The following RAB2A variants were observed in gnomAD, a reference collection of about 807,000 sequenced individuals.
The protein encoded by RAB2A is ras-related protein Rab-2A.
A neutral mutation model predicts 32.5 loss-of-function variants in RAB2A; 7 were observed. That is an observed-to-expected ratio of 0.22 (90% CI 0.12 to 0.40). The LOEUF (loss-of-function observed/expected upper bound fraction) is 0.40, where lower values mean the gene tolerates loss of function less well. Among genes scored for constraint, RAB2A ranks in the 10% least tolerant of loss-of-function variants. RAB2A has a pLI of 1.00. For missense variants in RAB2A, 108 were observed against 260.7 expected (o/e 0.41, Z 4.03); for synonymous variants, 79 against 85.2 (o/e 0.93, Z 0.40).
intron 1 of RAB2A, among the ~76,000 whole-genome samples, chr8:60,529,786 G>A (rs1320740931): frequency 6.6e-6 from 1 of 152,148 alleles, no homozygotes; most frequent in East Asian, 1.9e-4. Context: ...ACATCTTAAA[G>A]TTGTTTATTT....
At chr8:60,607,322 A>G (rs1222432924) in intron 6 of RAB2A, among the ~76,000 whole-genome samples, 4 of 148,238 alleles carry the variant, frequency 2.7e-5, no homozygotes, top group African/African-American at 2.5e-5. Flanking sequence ...CCAGTTACTC[A>G]GGAGGCTGAG....
chr8:60,530,357 G>C (rs1807458208), intron 1 of RAB2A, among the ~76,000 whole-genome samples: 1 of 151,944 alleles, frequency 6.6e-6, no homozygotes, highest in Non-Finnish European at 1.5e-5. Flanking sequence ...CGTTGGCCAG[G>C]CTAGTTTCAA....
At chr8:60,564,780 A>G (rs1808079210) in intron 2 of RAB2A, among the ~76,000 whole-genome samples, 1 of 152,192 alleles carries the variant, frequency 6.6e-6, no homozygotes. Context: ...TTCCCCCACC[A>G]ATAAAAAGTA....
intron 5 of RAB2A, among the ~76,000 whole-genome samples, chr8:60,589,756 T>G (rs1362961316): frequency 6.6e-6 from 1 of 152,184 alleles, no homozygotes; most frequent in Admixed American, 6.5e-5. Flanking sequence ...GCACTAAGTA[T>G]ATCGTCAAGT....
chr8:60,560,815 C>T (rs1586083246), intron 2 of RAB2A, among the ~76,000 whole-genome samples: 2 of 150,402 alleles, frequency 1.3e-5, no homozygotes, highest in Non-Finnish European at 3.0e-5. Flanking sequence ...GACAGTTATT[C>T]TTCCAGTGTT....
At chr8:60,586,612 A>G (rs771344223) in intron 5 of RAB2A, among the ~76,000 whole-genome samples, 1 of 152,082 alleles carries the variant, frequency 6.6e-6, no homozygotes, top group Admixed American at 6.6e-5. Flanking sequence ...TGTCTTCTCA[A>G]ATTTATCTAA....
At chr8:60,539,483 C>T (rs183725729) in intron 1 of RAB2A, among the ~76,000 whole-genome samples, 2 of 152,286 alleles carry the variant, frequency 1.3e-5, no homozygotes, top group East Asian at 3.9e-4. Context: ...CTTTTTCAAT[C>T]AGCATCATAC....
At chr8:60,600,066 TA>T (rs36105307) in intron 6 of RAB2A, among the ~76,000 whole-genome samples, 52,474 of 139,798 alleles carry the variant, frequency 0.38, 11,516 homozygotes, top group African/African-American at 0.64. Flanking sequence ...TACTCGGTAG[TA>T]AAAAAAAAAA....
chr8:60,585,628 G>A (rs1009507702), intron 5 of RAB2A, among the ~76,000 whole-genome samples: 1 of 152,100 alleles, frequency 6.6e-6, no homozygotes, highest in Non-Finnish European at 1.5e-5. Flanking sequence ...ATTCTTTAGG[G>A]TTATATTAAT....
chr8:60,544,852 C>CT (rs1260245748), intron 1 of RAB2A, among the ~76,000 whole-genome samples: 1 of 152,032 alleles, frequency 6.6e-6, no homozygotes, highest in Non-Finnish European at 1.5e-5. Flanking sequence ...AAAGGGCAGA[C>CT]TTTATTTTTT....
chr8:60,552,365 T>G (rs1807866841), intron 1 of RAB2A: 1 of 152,016 alleles, frequency 6.6e-6, no homozygotes, highest in Admixed American at 6.6e-5. Context: ...CTAGAACTCC[T>G]GGCCTCAAGT....
At chr8:60,598,292 A>G (rs1227564937) in intron 6 of RAB2A, among the ~76,000 whole-genome samples, 1 of 152,158 alleles carries the variant, frequency 6.6e-6, no homozygotes, top group Admixed American at 6.6e-5. Context: ...CTAGGTCCAA[A>G]TGGTTTCACT....
intron 6 of RAB2A, among the ~76,000 whole-genome samples, chr8:60,601,392 C>T (rs1804133020): frequency 6.6e-6 from 1 of 151,830 alleles, no homozygotes; most frequent in Non-Finnish European, 1.5e-5. Context: ...GTTGGGAATG[C>T]ATTGGCACAA....
At chr8:60,605,178 G>A (rs1289953109) in intron 6 of RAB2A, among the ~76,000 whole-genome samples, 12 of 152,210 alleles carry the variant, frequency 7.9e-5, no homozygotes, top group African/African-American at 2.4e-4. Flanking sequence ...CTGTTTCAGA[G>A]GGTGCTAGCC....
chr8:60,583,077 T>G (rs1803789112), intron 3 of RAB2A, among the ~76,000 whole-genome samples: 1 of 151,390 alleles, frequency 6.6e-6, no homozygotes. Context: ...AGAGGAAGGG[T>G]CAACAAGAGC....
chr8:60,541,751 C>G (rs2130817457), intron 1 of RAB2A, among the ~76,000 whole-genome samples: 1 of 152,242 alleles, frequency 6.6e-6, no homozygotes, highest in Admixed American at 6.5e-5. Context: ...TATTACAGTT[C>G]TTCATAAGTC....
At chr8:60,619,173 G>T (rs1804493600) in intron 7 of RAB2A, 1 of 151,790 alleles carries the variant, frequency 6.6e-6, no homozygotes. Context: ...TTTGGCATAG[G>T]GTTTTTTGTA....
At chr8:60,563,529 T>C (rs771503650) in intron 2 of RAB2A, among the ~76,000 whole-genome samples, 17 of 152,224 alleles carry the variant, frequency 1.1e-4, no homozygotes, top group South Asian at 2.1e-4. Flanking sequence ...ATACACTTTA[T>C]GTGCTTTGCC....
chr8:60,602,101 C>T (rs1443029823), intron 6 of RAB2A, among the ~76,000 whole-genome samples: 3 of 151,794 alleles, frequency 2.0e-5, no homozygotes, highest in Non-Finnish European at 4.4e-5. Context: ...TGGTCTCAGA[C>T]TCCTGGGTTC....
Sources: allele counts gnomAD v4.1 joint callset (sites outside exome capture counted in the v4.1 genomes callset), GRCh38; gene constraint gnomAD v4.1.1; transcripts MANE v1.5; gene names NCBI Gene and HGNC (gene_info 2026-07-23, HGNC 2026-07-21).